The following PRDM14 variants were observed in gnomAD, a reference collection of about 807,000 sequenced individuals.
The protein encoded by PRDM14 is PR/SET domain 14, also known as PR domain zinc finger protein 14.
In PRDM14, 16 loss-of-function variants were observed where a neutral mutation model predicts 48.0. The observed-to-expected ratio is 0.33, with a 90% CI of 0.23 to 0.51. PRDM14 has a LOEUF of 0.51. PRDM14 is among the 20% of genes least tolerant of loss of function. The probability of loss-of-function intolerance (pLI) is 0.97; values close to 1 mark genes in which losing one functional copy is unlikely to be tolerated. For missense variants in PRDM14, 566 were observed against 719.6 expected (o/e 0.79, Z 2.44); for synonymous variants, 264 against 276.6 (o/e 0.95, Z 0.45).
chr8:70,060,414 AC>A (rs1384896678), intron 5 of PRDM14, among the ~76,000 whole-genome samples: 5 of 148,978 alleles, frequency 3.4e-5, no homozygotes, highest in African/African-American at 1.2e-4. Flanking sequence ...AAAAAAAAAA[AC>A]ATAACCATAA....
At chr8:70,058,005 C>T (rs762073972) in intron 6 of PRDM14, among the ~76,000 whole-genome samples, 7 of 152,138 alleles carry the variant, frequency 4.6e-5, no homozygotes, top group Non-Finnish European at 1.0e-4. Context: ...ACATCTGTGC[C>T]CAAGCCTCGT....
At chr8:70,059,714 C>T (rs1322798452) in intron 5 of PRDM14, among the ~76,000 whole-genome samples, 1 of 152,176 alleles carries the variant, frequency 6.6e-6, no homozygotes, top group Non-Finnish European at 1.5e-5. Flanking sequence ...TATCACCGCT[C>T]GCCATAGTAG....
At chr8:70,062,465 G>A (rs191362477) in intron 5 of PRDM14, among the ~76,000 whole-genome samples, 38 of 151,786 alleles carry the variant, frequency 2.5e-4, no homozygotes, top group African/African-American at 8.7e-4. Context: ...GTCCATTTAT[G>A]TTTTGTTTTA....
At chr8:70,068,624 A>G in intron 2 of PRDM14, 92 bp from the exon 3 acceptor site, 1 of 1,006,542 alleles carries the variant, frequency 9.9e-7, no homozygotes, top group Non-Finnish European at 1.6e-6. Context: ...CCTAAAGGTA[A>G]CCATCATCCC....
intron 1 of PRDM14, among the ~76,000 whole-genome samples, chr8:70,070,866 C>T (rs1431299440): frequency 6.6e-6 from 1 of 152,096 alleles, no homozygotes; most frequent in Admixed American, 6.5e-5. Context: ...TCAATGAGCC[C>T]AATAAGAAAA....
chr8:70,068,514 T>G lies in PRDM14; in HGVS notation c.719A>C (p.Gln240Pro). 1 of 1,614,094 alleles carries G rather than the reference T, an allele frequency of 6.2e-7. No homozygotes were observed. Among genetic ancestry groups the G allele is most frequent in the East Asian group, 2.2e-5 (1 of 44,888 alleles). The part of the protein sequence containing the change: ...PDSSGSDSLP[Q>P]TLDKDSLQLP... The stretch of plus-strand genomic sequence containing the variant: ...TTGAAGGGAGTCTTTATCCAGAGTT[T>G]GAGGAAGAGAATCAGATCCTAGCAA... The change falls in exon 3 of 8, where the codon CAA becomes CCA. Residue 240 changes from glutamine (Q) to proline (P), a missense_variant. This residue lies in a region of PRDM14 where 410 missense variants were observed against 424.6 expected (regional missense o/e 0.97). Coordinates refer to ENST00000276594, the MANE Select transcript of PRDM14 (RefSeq NM_024504.4).
intron 5 of PRDM14, 119 bp downstream of exon 5, chr8:70,066,116 C>G: frequency 8.9e-7 from 1 of 1,121,074 alleles, no homozygotes; most frequent in South Asian, 1.5e-5. Flanking sequence ...GAGACACTCT[C>G]GGTTAGTCCT....
At chr8:70,064,803 C>G (rs984219203) in intron 5 of PRDM14, among the ~76,000 whole-genome samples, 10 of 151,088 alleles carry the variant, frequency 6.6e-5, no homozygotes, top group African/African-American at 2.4e-4. Context: ...GGATTACAGG[C>G]GTGGGCCACC....
At chr8:70,054,238 G>C (rs950836138) in intron 7 of PRDM14, among the ~76,000 whole-genome samples, 3 of 152,146 alleles carry the variant, frequency 2.0e-5, no homozygotes, top group African/African-American at 7.2e-5. Context: ...TGCTCCTATA[G>C]AAAATTACAT....
chr8:70,064,691 A>AT (rs1234129307), intron 5 of PRDM14, among the ~76,000 whole-genome samples: 1 of 150,622 alleles, frequency 6.6e-6, no homozygotes, highest in African/African-American at 2.4e-5. Flanking sequence ...CGCCCGGCTA[A>AT]TTTTTTTGTA....
At chr8:70,055,955 T>C (rs932445420) in intron 6 of PRDM14, among the ~76,000 whole-genome samples, 4 of 152,194 alleles carry the variant, frequency 2.6e-5, no homozygotes, top group African/African-American at 9.7e-5. Flanking sequence ...ATCTTGCTCA[T>C]GGGCAAAATA....
intron 5 of PRDM14, among the ~76,000 whole-genome samples, chr8:70,064,212 A>G (rs1355149181): frequency 6.6e-6 from 1 of 152,090 alleles, no homozygotes; most frequent in Non-Finnish European, 1.5e-5. Flanking sequence ...TTAGATAAAT[A>G]ATGACGGCTG....
In PRDM14 at chr8:70,051,983, A is replaced by G; in HGVS notation, c.*94T>C. 1.2e-6 allele frequency: 1 copy of G among 818,670 alleles called. No individual in the cohort carries two copies. The highest frequency in any genetic ancestry group is 2.0e-6 in the Non-Finnish European group (1 of 509,330). 50.7% of individuals were successfully genotyped at this position (818,670 alleles called of 1,614,324 possible). On this transcript the variant is annotated 3_prime_UTR_variant, in exon 8 of 8. Transcript: ENST00000276594. ...GAGACAGGATTTCACCATGTTGCCC[A>G]GGCTGGTCTCGAACTCCTGGACTTG...
rs1308603971 is a variant in PRDM14, at chr8:70,068,245, A to T, written c.897T>A (p.Asn299Lys). The T allele has an allele frequency of 1.2e-6, 2 of 1,614,052 alleles. No individual in the cohort carries two copies. Among genetic ancestry groups the T allele is most frequent in the African/African-American group, 2.7e-5 (2 of 74,918 alleles). ...NASEVKTYGDNSVMWEIFEDG... is the reference protein window; with the variant it reads ...NASEVKTYGDKSVMWEIFEDG... ...ACAGATTTACCTCCCACATCACAGA[A>T]TTGTCTCCGTAGGTCTTCACTTCAC... Residue 299 changes from asparagine to lysine, a missense_variant, in exon 4 of 8, where the codon AAT (asparagine) becomes AAA (lysine). By Grantham distance (94) the Asn-to-Lys change is moderately conservative. This residue lies in a region of PRDM14 where 410 missense variants were observed against 424.6 expected (regional missense o/e 0.97). Transcript: ENST00000276594.
At chr8:70,053,384 ATTTGTTTG>A (rs36192946) in intron 7 of PRDM14, among the ~76,000 whole-genome samples, 3 of 150,406 alleles carry the variant, frequency 2.0e-5, no homozygotes, top group South Asian at 2.1e-4. Flanking sequence ...GGTTTGTTTT[ATTTGTTTG>A]TTTGTTTGTT....
At chr8:70,054,870 A>T (rs1037918341) in intron 7 of PRDM14, among the ~76,000 whole-genome samples, 1 of 145,876 alleles carries the variant, frequency 6.9e-6, no homozygotes, top group African/African-American at 2.6e-5. Context: ...CCCAGGCTGG[A>T]GTGTGCAGTG....
At chr8:70,053,974 T>A (rs142801624) in intron 7 of PRDM14, among the ~76,000 whole-genome samples, 1 of 152,206 alleles carries the variant, frequency 6.6e-6, no homozygotes, top group Non-Finnish European at 1.5e-5. Flanking sequence ...CATGGAGCCA[T>A]TGAGCACTTA....
At chr8:70,060,093 C>CA (rs58440571) in intron 5 of PRDM14, among the ~76,000 whole-genome samples, 51,652 of 102,260 alleles carry the variant, frequency 0.51, 12,066 homozygotes, top group Middle Eastern at 0.57. Context: ...AACTCCATCT[C>CA]AAAAAAAAAA....
chr8:70,051,955 G>T lies in PRDM14; in HGVS notation c.*122C>A. 1.5e-6 allele frequency: 1 copy of T among 652,052 alleles called. No individual in the cohort carries two copies. Among genetic ancestry groups the T allele is most frequent in the African/African-American group, 1.8e-5 (1 of 55,270 alleles). 40.4% of individuals were successfully genotyped at this position (652,052 alleles called of 1,614,324 possible). ...CCCAGCTGATTTTTGTATTTTTTTG[G>T]TAGAGACAGGATTTCACCATGTTGC... is the stretch of plus-strand genomic sequence containing the variant. On this transcript the variant is annotated 3_prime_UTR_variant, in exon 8 of 8. Transcript: ENST00000276594.
Sources: allele counts gnomAD v4.1 joint callset (sites outside exome capture counted in the v4.1 genomes callset), GRCh38; gene constraint gnomAD v4.1.1; regional missense constraint gnomAD v4.1.1; transcripts MANE v1.5; gene names NCBI Gene and HGNC (gene_info 2026-07-23, HGNC 2026-07-21).